CACNB2: variants seen among roughly 807,000 people sequenced by gnomAD.
CACNB2 encodes voltage-dependent L-type calcium channel subunit beta-2.
CACNB2 carries 42 observed loss-of-function variants against 73.3 expected under a neutral mutation model. The ratio of observed to expected loss-of-function variants is 0.57; its 90% CI spans 0.45 to 0.74. The LOEUF (loss-of-function observed/expected upper bound fraction) is 0.74. Ranked by LOEUF, CACNB2 falls within the 30% of genes least tolerant of loss-of-function variation. CACNB2 has a pLI of 0.00. For synonymous variants in CACNB2, 348 were observed against 310.3 expected (o/e 1.12, Z -1.28); for missense variants, 940 against 853.0 (o/e 1.10, Z -1.27).
At chr10:18,234,936 G>A (rs1225423086) in intron 2 of CACNB2, among the ~76,000 whole-genome samples, 1 of 151,972 alleles carries the variant, frequency 6.6e-6, no homozygotes, top group Non-Finnish European at 1.5e-5. Context: ...GAGGTCAGGA[G>A]ATCGAGACCA....
intron 2 of CACNB2, among the ~76,000 whole-genome samples, chr10:18,341,680 A>G (rs1175707309): frequency 6.6e-6 from 1 of 152,240 alleles, no homozygotes; most frequent in Non-Finnish European, 1.5e-5. Context: ...CTAATAGGAC[A>G]TGAAAATACC....
In CACNB2 at chr10:18,442,986, GTA is replaced by G. The variant is rs369054241; in HGVS notation, c.333+40953_333+40954del. Among the ~76,000 whole-genome samples, 65 of 19,246 alleles carry G rather than the reference GTA, an allele frequency of 3.4e-3. 5 individuals are homozygous for G. Among genetic ancestry groups the G allele is most frequent in the Non-Finnish European group, 4.7e-3 (58 of 12,344 alleles). 12.6% of individuals were successfully genotyped at this position (19,246 alleles called of 152,430 possible). ...TATATATATGTGTATATATATATAT[GTA>G]TATATATATGTGTATATATATATAT... On this transcript the variant is annotated intron_variant, in intron 3 of 13. Coordinates refer to ENST00000324631, the MANE Select transcript of CACNB2 (RefSeq NM_201596.3).
At chr10:18,238,229 G>C (rs2036522773) in intron 2 of CACNB2, among the ~76,000 whole-genome samples, 1 of 152,152 alleles carries the variant, frequency 6.6e-6, no homozygotes, top group African/African-American at 2.4e-5. Flanking sequence ...CATGATTAAA[G>C]TCTGTTTTGT....
intron 2 of CACNB2, among the ~76,000 whole-genome samples, chr10:18,379,940 G>C (rs2132355310): frequency 6.6e-6 from 1 of 152,218 alleles, no homozygotes; most frequent in East Asian, 1.9e-4. Flanking sequence ...TCCTGTCTTG[G>C]TCTCCCAAGG....
intron 3 of CACNB2, among the ~76,000 whole-genome samples, chr10:18,453,052 G>A (rs1022066479): frequency 4.6e-5 from 7 of 152,164 alleles, no homozygotes; most frequent in Non-Finnish European, 8.8e-5. Flanking sequence ...CCCCTGCTCA[G>A]ATGATCTGTA....
intron 2 of CACNB2, among the ~76,000 whole-genome samples, chr10:18,188,822 T>C (rs1344309025): frequency 6.6e-6 from 1 of 152,148 alleles, no homozygotes; most frequent in Admixed American, 6.6e-5. Flanking sequence ...GACAATTATA[T>C]AGTGAGATCA....
intron 3 of CACNB2, among the ~76,000 whole-genome samples, chr10:18,444,313 C>T (rs1314409036): frequency 2.0e-5 from 3 of 152,078 alleles, no homozygotes; most frequent in South Asian, 4.1e-4. Context: ...TGAGGACAGT[C>T]GAGTGCAAAG....
chr10:18,489,501 C>G (rs2132924733), intron 3 of CACNB2, among the ~76,000 whole-genome samples: 1 of 151,432 alleles, frequency 6.6e-6, no homozygotes, highest in South Asian at 2.1e-4. Flanking sequence ...GATTCAAACC[C>G]CTGAATTCAA....
intron 2 of CACNB2, among the ~76,000 whole-genome samples, chr10:18,372,997 G>A (rs773647558): frequency 6.6e-6 from 1 of 151,840 alleles, no homozygotes; most frequent in Non-Finnish European, 1.5e-5. Context: ...TTTATTTTTT[G>A]TAGGAATGGA....
intron 2 of CACNB2, among the ~76,000 whole-genome samples, chr10:18,294,982 A>G (rs551492806): frequency 1.3e-5 from 2 of 152,350 alleles, no homozygotes; most frequent in Non-Finnish European, 2.9e-5. Flanking sequence ...AGCACTGCAG[A>G]CGCCCATCTC....
intron 4 of CACNB2, among the ~76,000 whole-genome samples, chr10:18,499,547 G>A (rs528090921): frequency 6.0e-5 from 9 of 150,552 alleles, no homozygotes; most frequent in East Asian, 3.9e-4. Flanking sequence ...CCAGCGAGTC[G>A]GAGGTTGCAG....
At chr10:18,261,195 C>A in intron 2 of CACNB2, 1 of 1,549,230 alleles carries the variant, frequency 6.5e-7, no homozygotes. Flanking sequence ...AGAAATGGAC[C>A]GAGGCTGTGA....
chr10:18,305,459 A>G (rs1294030040), intron 2 of CACNB2, among the ~76,000 whole-genome samples: 2 of 152,228 alleles, frequency 1.3e-5, no homozygotes, highest in African/African-American at 4.8e-5. Context: ...GAATACAGAG[A>G]AAATTAACTC....
intron 2 of CACNB2, among the ~76,000 whole-genome samples, chr10:18,330,679 T>C (rs978386866): frequency 6.6e-6 from 1 of 152,132 alleles, no homozygotes; most frequent in Non-Finnish European, 1.5e-5. Flanking sequence ...TAAAACTTTT[T>C]TTTTTTTGAG....
intron 2 of CACNB2, among the ~76,000 whole-genome samples, chr10:18,391,606 C>G (rs933161921): frequency 2.0e-5 from 3 of 152,052 alleles, no homozygotes; most frequent in South Asian, 4.2e-4. Flanking sequence ...TAAACAATAT[C>G]GTAAGTAAAT....
At chr10:18,209,701 G>A (rs1369559594) in intron 2 of CACNB2, among the ~76,000 whole-genome samples, 3 of 151,914 alleles carry the variant, frequency 2.0e-5, no homozygotes, top group African/African-American at 4.8e-5. Flanking sequence ...AAGTAGTGCC[G>A]ACAAATTTGC....
At chr10:18,457,874 G>A (rs942431120) in intron 3 of CACNB2, among the ~76,000 whole-genome samples, 1 of 151,436 alleles carries the variant, frequency 6.6e-6, no homozygotes, top group Non-Finnish European at 1.5e-5. Context: ...TGGGTGACAA[G>A]AGCAAAACTC....
At chr10:18,409,685 T>A (rs2044505892) in intron 3 of CACNB2, among the ~76,000 whole-genome samples, 1 of 152,174 alleles carries the variant, frequency 6.6e-6, no homozygotes, top group Non-Finnish European at 1.5e-5. Flanking sequence ...GGTCATCTTG[T>A]ATAGGGTAAT....
Position 18,333,898 on chromosome 10 carries a change from C to G in CACNB2, c.214-68026C>G, listed in dbSNP as rs1281166952. Among the ~76,000 whole-genome samples, 3 of 152,004 alleles carry G rather than the reference C, an allele frequency of 2.0e-5. No individual in the cohort carries two copies. The East Asian group carries it at 5.8e-4, about 29-fold the overall frequency. ...TTTTTGTCGTCTCCTGGCAACGTAA[C>G]ATATTTATACTTTGGCCACTACCTC... On this transcript the variant is annotated intron_variant, in intron 2 of 13. Coordinates refer to ENST00000324631, the MANE Select transcript of CACNB2 (RefSeq NM_201596.3).
Sources: gnomAD v4.1 joint callset for allele counts (sites outside exome capture counted in the v4.1 genomes callset) on GRCh38, gnomAD v4.1.1 for gene constraint, MANE v1.5 for transcripts, NCBI Gene and HGNC (gene_info 2026-07-23, HGNC 2026-07-21) for gene names.